Variants in SMOC2 observed in about 807,000 individuals in gnomAD.
The protein encoded by SMOC2 is SPARC-related modular calcium-binding protein 2.
In SMOC2, 39 loss-of-function variants were observed where a neutral mutation model predicts 61.4. The ratio of observed to expected loss-of-function variants is 0.64; its 90% CI spans 0.49 to 0.83. The LOEUF is 0.83. SMOC2 is among the 40% of genes least tolerant of loss of function. The pLI, the probability that SMOC2 is intolerant of heterozygous loss-of-function variation, is 0.00. For synonymous variants in SMOC2, 247 were observed against 239.9 expected, an observed-to-expected ratio of 1.03 and a Z score of -0.27; for missense variants, 556 against 592.9, an observed-to-expected ratio of 0.94 and a Z score of 0.65.
chr6:168,608,063 T>C, intron 8 of SMOC2, 94 bp from the exon 9 acceptor site: 1 of 1,150,864 alleles, frequency 8.7e-7, no homozygotes, highest in South Asian at 1.4e-5. Context: ...CGGTGTATGC[T>C]AGGGTAGGAC....
intron 7 of SMOC2, among the ~76,000 whole-genome samples, chr6:168,567,245 T>A (rs1784566717): frequency 6.6e-6 from 1 of 152,254 alleles, no homozygotes; most frequent in Admixed American, 6.5e-5. Flanking sequence ...GAGATTTTAT[T>A]GGCTCAATAA....
intron 7 of SMOC2, among the ~76,000 whole-genome samples, chr6:168,552,734 C>T (rs1400148956): frequency 6.6e-6 from 1 of 152,026 alleles, no homozygotes; most frequent in East Asian, 1.9e-4. Flanking sequence ...AATCATGCCT[C>T]CTGTGGGGTT....
chr6:168,595,026 C>T (rs1277983035), intron 7 of SMOC2, among the ~76,000 whole-genome samples: 1 of 130,212 alleles, frequency 7.7e-6, no homozygotes, highest in African/African-American at 3.0e-5. Context: ...GCTCCTCCTC[C>T]TTCCTGAGGC....
At chr6:168,659,596 G>GT in intron 11 of SMOC2, among the ~76,000 whole-genome samples, 1 of 149,774 alleles carries the variant, frequency 6.7e-6, no homozygotes, top group African/African-American at 2.5e-5. Flanking sequence ...GTTGTAGGTT[G>GT]GGTGAGGGTG....
At chr6:168,540,405 G>A (rs1446481272) in intron 4 of SMOC2, among the ~76,000 whole-genome samples, 1 of 152,226 alleles carries the variant, frequency 6.6e-6, no homozygotes. Flanking sequence ...GGCGCACACA[G>A]CACATCTTTG....
At chr6:168,612,953 C>T (rs1056789283) in intron 9 of SMOC2, among the ~76,000 whole-genome samples, 3 of 152,210 alleles carry the variant, frequency 2.0e-5, no homozygotes, top group Admixed American at 1.3e-4. Flanking sequence ...GATTTCATGG[C>T]CTAGAGTGCA....
chr6:168,518,052 C>T (rs986619127), intron 2 of SMOC2, among the ~76,000 whole-genome samples: 3 of 152,240 alleles, frequency 2.0e-5, no homozygotes, highest in Non-Finnish European at 2.9e-5. Flanking sequence ...AGCTCGTCCT[C>T]GTACTCAGCG....
At chr6:168,577,512 G>A (rs1784833020) in intron 7 of SMOC2, among the ~76,000 whole-genome samples, 1 of 152,160 alleles carries the variant, frequency 6.6e-6, no homozygotes, top group Admixed American at 6.5e-5. Context: ...AAGGTACCTG[G>A]AAAATAGCGG....
intron 4 of SMOC2, among the ~76,000 whole-genome samples, chr6:168,533,879 T>C (rs1209778291): frequency 6.6e-6 from 1 of 152,186 alleles, no homozygotes; most frequent in Non-Finnish European, 1.5e-5. Flanking sequence ...TAGATGGCCA[T>C]GAAAACAATG....
At chr6:168,598,212 T>G (rs530886726) in intron 7 of SMOC2, among the ~76,000 whole-genome samples, 1 of 152,374 alleles carries the variant, frequency 6.6e-6, no homozygotes, top group South Asian at 2.1e-4. Context: ...CCTGTTCTGC[T>G]TAGATTTCAC....
At chr6:168,443,165 C>T (rs186497443) in intron 1 of SMOC2, among the ~76,000 whole-genome samples, 14 of 152,278 alleles carry the variant, frequency 9.2e-5, no homozygotes, top group Middle Eastern at 3.4e-3. Context: ...TTTCTGAAAG[C>T]GCAAAAAGTA....
At chr6:168,572,002 C>T (rs868770010) in intron 7 of SMOC2, among the ~76,000 whole-genome samples, 15 of 17,788 alleles carry the variant, frequency 8.4e-4, no homozygotes, top group African/African-American at 6.6e-3. Context: ...CCCGCATCCC[C>T]GGGTGCCGGG....
At chr6:168,601,241 C>T (rs940404228) in intron 8 of SMOC2, among the ~76,000 whole-genome samples, 12 of 152,234 alleles carry the variant, frequency 7.9e-5, no homozygotes, top group Middle Eastern at 3.2e-3. Context: ...CCGTCTGGCC[C>T]GCTGGGAGTC....
chr6:168,616,231 AG>A (rs1786089468), intron 9 of SMOC2, among the ~76,000 whole-genome samples: 2 of 152,238 alleles, frequency 1.3e-5, no homozygotes, highest in South Asian at 4.1e-4. Context: ...CTGGGAACAA[AG>A]CTTCAGGCTT....
chr6:168,659,561 G>A, intron 11 of SMOC2, among the ~76,000 whole-genome samples: 1 of 134,858 alleles, frequency 7.4e-6, no homozygotes, highest in South Asian at 2.4e-4. Flanking sequence ...TGAGGATGGA[G>A]GTTGTAGGTT....
chr6:168,560,338 C>T (rs573795447), intron 7 of SMOC2, among the ~76,000 whole-genome samples: 9 of 152,352 alleles, frequency 5.9e-5, no homozygotes, highest in Middle Eastern at 3.4e-3. Context: ...TTGTAAAGCA[C>T]CTTCTTCAGT....
rs11284179 is a variant in SMOC2, at chr6:168,623,329, A to ATTTTTTTTTTTTTTTTTTTTTTTTTTTT, written c.907+15109_907+15110insTTTTTTTTTTTTTTTTTTTTTTTTTTTT. Among the ~76,000 whole-genome samples the ATTTTTTTTTTTTTTTTTTTTTTTTTTTT allele has an allele frequency of 3.1e-5, 4 of 129,108 alleles. 1 individual carries two copies. Among genetic ancestry groups the ATTTTTTTTTTTTTTTTTTTTTTTTTTTT allele is most frequent in the Non-Finnish European group, 3.2e-5 (2 of 62,964 alleles). 84.7% of individuals were successfully genotyped at this position (129,108 alleles called of 152,430 possible). ...GTTTTGGCTGAGACATGGATAATTA[A>ATTTTTTTTTTTTTTTTTTTTTTTTTTTT]TTTTTTTTTTTTTTTTTTTGAGACA... On this transcript the variant is annotated intron_variant, in intron 9 of 12. Transcript: ENST00000356284.
At chr6:168,559,254 G>A (rs535223370) in intron 7 of SMOC2, among the ~76,000 whole-genome samples, 92 of 152,082 alleles carry the variant, frequency 6.0e-4, no homozygotes, top group African/African-American at 2.0e-3. Flanking sequence ...TCAGGAGTTC[G>A]AGACCAGCCT....
intron 1 of SMOC2, among the ~76,000 whole-genome samples, chr6:168,508,661 G>GC (rs1782932489): frequency 6.6e-6 from 1 of 152,154 alleles, no homozygotes; most frequent in East Asian, 1.9e-4. Flanking sequence ...GTTGATGAGG[G>GC]CCCCCCAGCT....
Sources: allele counts gnomAD v4.1 joint callset (sites outside exome capture counted in the v4.1 genomes callset), GRCh38; gene constraint gnomAD v4.1.1; transcripts MANE v1.5; gene names NCBI Gene and HGNC (gene_info 2026-07-23, HGNC 2026-07-21).